IFT122: variants seen among roughly 807,000 people sequenced by gnomAD.
IFT122 encodes the protein intraflagellar transport protein 122 homolog.
Under a neutral mutation model 161.6 loss-of-function variants are expected in IFT122, and 118 were observed. The ratio of observed to expected loss-of-function variants is 0.73; its 90% CI spans 0.63 to 0.85. The LOEUF is 0.85. Ranked by LOEUF, IFT122 falls within the 40% of genes least tolerant of loss-of-function variation. The pLI is 0.00. For synonymous variants in IFT122, 550 were observed against 602.4 expected (o/e 0.91, Z 1.27); for missense variants, 1,381 against 1,579.6 (o/e 0.87, Z 2.13).
In IFT122 at chr3:129,479,817, A is replaced by G. The variant is rs147887396; in HGVS notation, c.1383A>G (p.Gly461=). The change falls in exon 13 of 30, where the codon GGA becomes GGG. Residue 461 remains glycine (G), a synonymous_variant. Transcript: ENST00000348417. ...EKRLQCLSFS[G]VKEREWQMES... ...GGCTGCAGTGCCTGTCCTTCAGCGG[A>G]GTGAAGGAGCGGGAGTGGCAGATGG... The G allele has an allele frequency of 2.5e-5, 41 of 1,613,898 alleles. No homozygotes were observed. The African/African-American group carries it at 4.8e-4, about 19-fold the overall frequency.
At chr3:129,468,561 C>T (rs2077041775) in intron 8 of IFT122, among the ~76,000 whole-genome samples, 1 of 152,162 alleles carries the variant, frequency 6.6e-6, no homozygotes, top group Admixed American at 6.5e-5. Context: ...CCAGGCTGGT[C>T]TAGAACTCCT....
At position 129,509,289 on chromosome 3, in the gene IFT122, C is replaced by T. The variant is rs114150455; in HGVS notation, c.2886+1527C>T. 7.7e-3 allele frequency among the ~76,000 whole-genome samples: 1,172 copies of T among 152,238 alleles called. 15 individuals carry two copies. The highest frequency in any genetic ancestry group is 0.027 in the African/African-American group (1,127 of 41,528). On this transcript the variant is annotated intron_variant, in intron 23 of 29. Coordinates refer to ENST00000348417, the MANE Select transcript of IFT122 (RefSeq NM_052989.3). The stretch of plus-strand genomic sequence containing the variant: ...CAATTTGCTTCAAATGCCAAACAAC[C>T]GTAGAATGGTTGACATTGAGTTCTT...
At chr3:129,502,641 T>C (rs1324609022) in intron 19 of IFT122, 70 bp from the exon 20 acceptor site, 2 of 1,561,384 alleles carry the variant, frequency 1.3e-6, no homozygotes, top group Non-Finnish European at 1.7e-6. Context: ...GACCACAGAA[T>C]GAATGGACAT....
chr3:129,499,040 C>T (rs546683078), intron 18 of IFT122, among the ~76,000 whole-genome samples: 1 of 152,326 alleles, frequency 6.6e-6, no homozygotes, highest in South Asian at 2.1e-4. Flanking sequence ...GGAACACAGG[C>T]CCTAGGCCTG....
Position 129,502,794 on chromosome 3 carries a change from G to T in IFT122, c.2459G>T (p.Ser820Ile). The T allele has an allele frequency of 5.6e-6, 9 of 1,613,158 alleles. No homozygotes were observed. The highest frequency in any genetic ancestry group is 7.6e-6 in the Non-Finnish European group (9 of 1,180,036). The change falls in exon 20 of 30, where the codon AGC (serine) becomes ATC (isoleucine). Residue 820 changes from serine to isoleucine, a missense_variant. Ser to Ile is a moderately radical substitution (Grantham distance 142). Transcript: ENST00000348417. ...GCTACCTACCTCAAGAAGCTGGACA[G>T]CCCTGGCTATGCTGCTGAGACCTAC... ...LCATYLKKLD[S>I]PGYAAETYLK...
intron 13 of IFT122, 98 bp downstream of exon 13, chr3:129,480,020 A>G: frequency 1.4e-6 from 2 of 1,450,864 alleles, no homozygotes; most frequent in Non-Finnish European, 1.9e-6. Context: ...TCAGGGCAGG[A>G]AAAGGGCTTC....
intron 18 of IFT122, 127 bp from the exon 19 acceptor site, chr3:129,499,775 G>T: frequency 9.1e-7 from 1 of 1,104,466 alleles, no homozygotes; most frequent in Non-Finnish European, 1.4e-6. Context: ...TCAGGGCCGG[G>T]CCCTGCCTAC....
intron 14 of IFT122, 94 bp downstream of exon 14, chr3:129,481,788 C>G: frequency 7.1e-7 from 1 of 1,409,266 alleles, no homozygotes; most frequent in African/African-American, 1.4e-5. Flanking sequence ...CTGCTCTGGC[C>G]CAGGCAGGTC....
chr3:129,517,004 CAG>C (rs2083928948), intron 26 of IFT122, among the ~76,000 whole-genome samples: 1 of 136,252 alleles, frequency 7.3e-6, no homozygotes, highest in Non-Finnish European at 1.6e-5. Context: ...CACACACACA[CAG>C]AAACTGCCCC....
rs373638458 is a variant in IFT122, at chr3:129,478,119, G to T, written c.1251G>T (p.Glu417Asp). The change falls in exon 12 of 30, where the codon GAG (glutamate) becomes GAT (aspartate). Residue 417 changes from glutamate to aspartate, a missense_variant. Glu to Asp is a conservative substitution (Grantham distance 45). Around this residue, in one of 7 missense-constraint regions of IFT122, gnomAD observed 544 missense variants for 648.0 expected, o/e 0.84. Coordinates refer to ENST00000348417, the MANE Select transcript of IFT122 (RefSeq NM_052989.3). ...EKILIYELYS[E>D]DLSDMHYRVK... The stretch of plus-strand genomic sequence containing the variant: ...TCCTCATCTATGAGTTGTATTCAGA[G>T]GACTTATCAGACATGCATTACCGGG... 2.4e-5 allele frequency: 38 copies of T among 1,613,992 alleles called. No individual in the cohort carries two copies. The highest frequency in any genetic ancestry group is 3.1e-5 in the Non-Finnish European group (37 of 1,179,952).
chr3:129,503,813 G>A (rs1281595650), intron 20 of IFT122, among the ~76,000 whole-genome samples: 2 of 152,098 alleles, frequency 1.3e-5, no homozygotes, highest in Non-Finnish European at 2.9e-5. Flanking sequence ...TGTGCATCAG[G>A]CAGACTTTCT....
intron 3 of IFT122, among the ~76,000 whole-genome samples, chr3:129,456,776 TGTG>T (rs1223560369): frequency 1.3e-5 from 2 of 151,140 alleles, no homozygotes; most frequent in African/African-American, 4.9e-5. Context: ...ATTAGCCAGG[TGTG>T]GTGGTGGGCA....
chr3:129,461,255 C>G lies in IFT122; in HGVS notation c.300C>G (p.Ser100=). Residue 100 remains serine (S), a synonymous_variant, in exon 5 of 30, where the codon TCC becomes TCG. Transcript: ENST00000348417. The part of the protein sequence containing the change: ...YTHNDAIQCV[S]YNPITHQLAS... ...ACAATGATGCTATACAATGTGTCTC[C>G]TACAATCCTATTACTCATCAACTGG... The G allele has an allele frequency of 1.2e-6, 2 of 1,613,714 alleles. No individual in the cohort carries two copies. The highest frequency in any genetic ancestry group is 1.7e-6 in the Non-Finnish European group (2 of 1,179,596).
chr3:129,456,045 CATACACTCATTT>C, intron 3 of IFT122: 1 of 454,430 alleles, frequency 2.2e-6, no homozygotes, highest in Non-Finnish European at 4.4e-6. Context: ...TACACATGTA[CATACACTCATTT>C]AATCTTCACA....
chr3:129,499,960 A>T lies in IFT122; in HGVS notation c.2267A>T (p.Asp756Val). 6.2e-7 allele frequency: 1 copy of T among 1,614,236 alleles called. No homozygotes were observed. The highest frequency in any genetic ancestry group is 8.5e-7 in the Non-Finnish European group (1 of 1,180,040). ...AAGATGCTAATCACCAAACAGGCTGACTGGGCCAGAAATATCAAGGAGCCC... is the reference window on the plus strand; with the variant it reads ...AAGATGCTAATCACCAAACAGGCTGTCTGGGCCAGAAATATCAAGGAGCCC... The part of the protein sequence containing the change: ...ETKMLITKQA[D>V]WARNIKEPKA... The change falls in exon 19 of 30, where the codon GAC becomes GTC. Residue 756 changes from aspartate to valine, a missense_variant. Physicochemically the swap from Asp to Val is radical, Grantham distance 152 (BLOSUM62 -3). Around this residue, in one of 7 missense-constraint regions of IFT122, gnomAD observed 496 missense variants for 502.5 expected, o/e 0.99. Transcript: ENST00000348417.
chr3:129,492,065 C>T, intron 16 of IFT122, 76 bp from the exon 17 acceptor site: 2 of 1,099,712 alleles, frequency 1.8e-6, no homozygotes, highest in Non-Finnish European at 2.8e-6. Context: ...TAGAGCTTGA[C>T]TTCCCACCCC....
intron 18 of IFT122, among the ~76,000 whole-genome samples, chr3:129,497,888 A>G (rs1310326791): frequency 2.6e-5 from 4 of 152,226 alleles, no homozygotes; most frequent in African/African-American, 9.6e-5. Context: ...AAAATTTTAA[A>G]ATTACATTCC....
chr3:129,483,822 C>T (rs775361917), intron 15 of IFT122, 140 bp downstream of exon 15: 7 of 911,458 alleles, frequency 7.7e-6, no homozygotes, highest in Non-Finnish European at 1.2e-5. Context: ...GCAGTCTGGG[C>T]CTGGAACCTG....
chr3:129,441,560 A>C (rs1218309469), intron 1 of IFT122, among the ~76,000 whole-genome samples: 2 of 152,214 alleles, frequency 1.3e-5, no homozygotes, highest in African/African-American at 4.8e-5. Flanking sequence ...CCAGCTTTCA[A>C]GCTCAGGTCT....
Sources: allele counts gnomAD v4.1 joint callset (sites outside exome capture counted in the v4.1 genomes callset), GRCh38; gene constraint gnomAD v4.1.1; regional missense constraint gnomAD v4.1.1; transcripts MANE v1.5; gene names NCBI Gene and HGNC (gene_info 2026-07-23, HGNC 2026-07-21).